The following TUBB4A variants were observed in gnomAD, a reference collection of about 807,000 sequenced individuals.
The protein encoded by TUBB4A is tubulin beta-4A chain.
TUBB4A carries 13 observed loss-of-function variants against 35.1 expected under a neutral mutation model. The observed-to-expected ratio is 0.37, with a 90% confidence interval of 0.24 to 0.59. The LOEUF is 0.59. Among genes scored for constraint, TUBB4A ranks in the 20% least tolerant of loss-of-function variants. The pLI, the probability that TUBB4A is intolerant of heterozygous loss-of-function variation, is 0.71. For missense variants in TUBB4A, 299 were observed against 647.2 expected, an observed-to-expected ratio of 0.46 and a Z score of 5.84; for synonymous variants, 279 against 272.4, an observed-to-expected ratio of 1.02 and a Z score of -0.24.
rs761635539 is a variant in TUBB4A at position 6,495,931 on chromosome 19, G to A, written c.568C>T (p.His190Tyr). Residue 190 changes from histidine (H) to tyrosine (Y), a missense_variant, in exon 4 of 4, where the codon CAC becomes TAC. By Grantham distance (83) the His-to-Tyr change is moderately conservative (BLOSUM62 2). Transcript: ENST00000264071. This position sits in a 1 kb window ranked among gnomAD's most constrained non-coding sequence, Gnocchi z 8.7. ...TCATCCGTATTCTCCACCAGCTGGT[G>A]CACAGACAGCGTGGCGTTGTAGGGC... is the stretch of plus-strand genomic sequence containing the variant. The part of the protein sequence containing the change: ...VEPYNATLSV[H>Y]QLVENTDETY... 6.2e-7 allele frequency: 1 copy of A among 1,614,232 alleles called. No homozygotes were observed. Among genetic ancestry groups the A allele is most frequent in the Non-Finnish European group, 8.5e-7 (1 of 1,180,046 alleles).
In TUBB4A at chr19:6,495,083, C is replaced by A. The variant is rs1914060474; in HGVS notation, c.*81G>T. On this transcript the variant is annotated 3_prime_UTR_variant, in exon 4 of 4. Transcript: ENST00000264071. This position sits in a 1 kb window ranked among gnomAD's most constrained non-coding sequence, Gnocchi z 8.7. Reference sequence around the variant, plus strand: ...AGTCAGCCTTGGAGGGAAAGCGGGGCTCTAGGGTTCAGAGATGGGGGGCCT... The same window carrying A: ...AGTCAGCCTTGGAGGGAAAGCGGGGATCTAGGGTTCAGAGATGGGGGGCCT... 3 of 1,534,358 alleles carry A rather than the reference C, an allele frequency of 2.0e-6. No homozygotes were observed. In the South Asian group the frequency reaches 3.6e-5, roughly 19 times the overall value.
chr19:6,497,629 GA>G (rs761661907), intron 3 of TUBB4A, among the ~76,000 whole-genome samples: 3 of 151,804 alleles, frequency 2.0e-5, no homozygotes, highest in African/African-American at 4.8e-5. Context: ...GCTCCCGGAG[GA>G]AAAGAATCAG....
rs1276514363 is a variant in TUBB4A at position 6,501,832 on chromosome 19, C to G, written c.58-209G>C. Reference sequence around the variant, plus strand: ...CAGCCGAGTCAGCACCCAGCGGGGCCGGCTGGTGCCAGCGCACCCAGGCTG... The same window carrying G: ...CAGCCGAGTCAGCACCCAGCGGGGCGGGCTGGTGCCAGCGCACCCAGGCTG... On this transcript the variant is annotated intron_variant, in intron 1 of 3. Coordinates refer to ENST00000264071, the MANE Select transcript of TUBB4A (RefSeq NM_006087.4). The surrounding 1 kb of genome is among the most constrained non-coding windows in gnomAD (Gnocchi z 4.2). 1.4e-5 allele frequency: 8 copies of G among 588,422 alleles called. No homozygotes were observed. Among genetic ancestry groups the G allele is most frequent in the Non-Finnish European group, 2.4e-5 (8 of 334,800 alleles). The allele number at this position is 588,422 out of a possible 1,614,324, so 36.5% of individuals were successfully genotyped here.
rs768009558 is a variant in TUBB4A at position 6,501,347 on chromosome 19, T to C, written c.217A>G (p.Met73Val). 3 of 1,614,150 alleles carry C rather than the reference T, an allele frequency of 1.9e-6. No homozygotes were observed. The highest frequency in any genetic ancestry group is 1.3e-5 in the African/African-American group (1 of 75,062). Residue 73 changes from methionine to valine, a missense_variant, in exon 3 of 4, where the codon ATG becomes GTG. Met to Val is a conservative substitution (Grantham distance 21, BLOSUM62 1). Coordinates refer to ENST00000264071, the MANE Select transcript of TUBB4A (RefSeq NM_006087.4). This position sits in a 1 kb window ranked among gnomAD's most constrained non-coding sequence, Gnocchi z 4.2. ...AAGGGGCCAGAACGGACAGAGTCCA[T>C]GGTGCCGGGTTCCAGGTCCACCAGC... ...AVLVDLEPGT[M>V]DSVRSGPFGQ... is the part of the protein sequence containing the mutation.
intron 3 of TUBB4A, among the ~76,000 whole-genome samples, chr19:6,500,291 G>A (rs972511350): frequency 6.6e-6 from 1 of 151,656 alleles, no homozygotes; most frequent in African/African-American, 2.4e-5. Flanking sequence ...ACCTCACTCA[G>A]CTAATTAAAA....
Position 6,495,048 on chromosome 19 carries a change from G to T in TUBB4A, c.*116C>A. The T allele has an allele frequency of 7.9e-7, 1 of 1,266,528 alleles. No individual in the cohort carries two copies. The highest frequency in any genetic ancestry group is 1.1e-6 in the Non-Finnish European group (1 of 908,220). The allele number at this position is 1,266,528 out of a possible 1,614,324, so 78.5% of individuals were successfully genotyped here. ...AGCGAGCTCCAAAGGTATTGTTAGG[G>T]TCAGCGGGGAGTCAGCCTTGGAGGG... is the stretch of plus-strand genomic sequence containing the variant. On this transcript the variant is annotated 3_prime_UTR_variant, in exon 4 of 4. Coordinates refer to ENST00000264071, the MANE Select transcript of TUBB4A (RefSeq NM_006087.4). This position sits in a 1 kb window ranked among gnomAD's most constrained non-coding sequence, Gnocchi z 8.7.
chr19:6,495,271 C>T lies in TUBB4A; in HGVS notation c.1228G>A (p.Glu410Lys), dbSNP rs587777428. The change falls in exon 4 of 4, where the codon GAG becomes AAG. Residue 410 changes from glutamate to lysine, a missense_variant. This residue lies in a region of TUBB4A where 125 missense variants were observed against 279.1 expected (regional missense o/e 0.45). Transcript: ENST00000264071. This position sits in a 1 kb window ranked among gnomAD's most constrained non-coding sequence, Gnocchi z 8.7. ...AGGTCATTCATGTTGCTCTCGGCCT[C>T]GGTGAACTCCATCTCGTCCATGCCC... ...GEGMDEMEFT[E>K]AESNMNDLVS... 6.2e-7 allele frequency: 1 copy of T among 1,613,822 alleles called. No individual in the cohort carries two copies. The highest frequency in any genetic ancestry group is 8.5e-7 in the Non-Finnish European group (1 of 1,179,872).
Position 6,495,954 on chromosome 19 carries a change from G to A in TUBB4A, c.545C>T (p.Pro182Leu). ...GTGCACAGACAGCGTGGCGTTGTAGGGCTCCACCACCGTGTCTGACACTTT... is the reference window on the plus strand; with the variant it reads ...GTGCACAGACAGCGTGGCGTTGTAGAGCTCCACCACCGTGTCTGACACTTT... ...SPKVSDTVVE[P>L]YNATLSVHQL... is the part of the protein sequence containing the mutation. The change falls in exon 4 of 4, where the codon CCC becomes CTC. Residue 182 changes from proline (P) to leucine (L), a missense_variant. Transcript: ENST00000264071. The surrounding 1 kb of genome is among the most constrained non-coding windows in gnomAD (Gnocchi z 8.7). The A allele has an allele frequency of 6.2e-7, 1 of 1,614,172 alleles. No individual in the cohort carries two copies. The highest frequency in any genetic ancestry group is 8.5e-7 in the Non-Finnish European group (1 of 1,180,026).
upstream of TUBB4A, chr19:6,502,610 C>G (rs1349124645): frequency 5.0e-6 from 1 of 201,558 alleles, no homozygotes; most frequent in Non-Finnish European, 9.9e-6. Context: ...AGGGGAGCGC[C>G]TGGTAAACAG....
chr19:6,496,474 A>C (rs1164257015), intron 3 of TUBB4A: 1 of 337,034 alleles, frequency 3.0e-6, no homozygotes, highest in Non-Finnish European at 5.5e-6. Flanking sequence ...CTAAAATTAC[A>C]AAAAAAATTA....
upstream of TUBB4A, chr19:6,502,475 C>T: frequency 2.2e-6 from 1 of 455,348 alleles, no homozygotes. Context: ...CAGAGAAGTC[C>T]GGGACGCCAC....
chr19:6,497,063 AT>A (rs1914279526), intron 3 of TUBB4A, among the ~76,000 whole-genome samples: 1 of 102,400 alleles, frequency 9.8e-6, no homozygotes, highest in African/African-American at 3.7e-5. Flanking sequence ...ATATATATAT[AT>A]AAATTAGCCA....
chr19:6,497,167 T>C (rs1391214824), intron 3 of TUBB4A, among the ~76,000 whole-genome samples: 1 of 146,984 alleles, frequency 6.8e-6, no homozygotes, highest in Non-Finnish European at 1.5e-5. Flanking sequence ...CAGTGAGCTA[T>C]GATCACACCA....
At chr19:6,498,070 A>G (rs1450334971) in intron 3 of TUBB4A, among the ~76,000 whole-genome samples, 2 of 149,808 alleles carry the variant, frequency 1.3e-5, no homozygotes, top group Non-Finnish European at 3.0e-5. Flanking sequence ...AATTAGCTGG[A>G]TGTGGTGGTG....
At chr19:6,502,373 T>G, upstream of TUBB4A, 1 of 741,478 alleles carries the variant, frequency 1.3e-6, no homozygotes, top group Admixed American at 4.2e-5. Flanking sequence ...CCGGTCACCC[T>G]CCCGCTCCGC....
chr19:6,500,686 G>A (rs1914487505), intron 3 of TUBB4A: 1 of 150,332 alleles, frequency 6.7e-6, no homozygotes, highest in African/African-American at 2.5e-5. Flanking sequence ...GTGACAGTGA[G>A]CCGTGATCAT....
At chr19:6,498,559 T>G (rs1914380834) in intron 3 of TUBB4A, among the ~76,000 whole-genome samples, 1 of 152,230 alleles carries the variant, frequency 6.6e-6, no homozygotes, top group East Asian at 1.9e-4. Context: ...TCACTCTGCT[T>G]CAGCCGCAGC....
intron 3 of TUBB4A, among the ~76,000 whole-genome samples, chr19:6,499,344 T>G (rs1914422631): frequency 6.6e-6 from 1 of 151,268 alleles, no homozygotes; most frequent in Non-Finnish European, 1.5e-5. Flanking sequence ...GACCCTCTCC[T>G]CTGGCTCCTG....
rs552079378 is a variant in TUBB4A at position 6,495,645 on chromosome 19, G to A, written c.854C>T (p.Thr285Met). Residue 285 changes from threonine to methionine, a missense_variant, in exon 4 of 4, where the codon ACG becomes ATG. Physicochemically the swap from Thr to Met is moderately conservative, Grantham distance 81. Around this residue, in one of 5 missense-constraint regions of TUBB4A, gnomAD observed 125 missense variants for 279.1 expected, o/e 0.45. Coordinates refer to ENST00000264071, the MANE Select transcript of TUBB4A (RefSeq NM_006087.4). This position sits in a 1 kb window ranked among gnomAD's most constrained non-coding sequence, Gnocchi z 8.7. ...SRGSQQYRAL[T>M]VPELTQQMFD... is the part of the protein sequence containing the mutation. ...CATCTGCTGGGTGAGCTCGGGCACC[G>A]TCAGGGCCCGGTACTGCTGGCTGCC... The A allele has an allele frequency of 1.9e-6, 3 of 1,613,948 alleles. No homozygotes were observed. The highest frequency in any genetic ancestry group is 2.5e-6 in the Non-Finnish European group (3 of 1,179,944).
Sources: gnomAD v4.1 joint callset for allele counts (sites outside exome capture counted in the v4.1 genomes callset) on GRCh38, gnomAD v4.1.1 for gene constraint, gnomAD v4.1.1 regional missense constraint, Gnocchi (gnomAD v3.1) non-coding constraint, MANE v1.5 for transcripts, NCBI Gene and HGNC (gene_info 2026-07-23, HGNC 2026-07-21) for gene names.